KCNN3: variants seen among roughly 807,000 people sequenced by gnomAD.
The protein encoded by KCNN3 is potassium calcium-activated channel subfamily N member 3, also known as small conductance calcium-activated potassium channel protein 3.
KCNN3 carries 16 observed loss-of-function variants against 62.9 expected under a neutral mutation model. That is an observed-to-expected ratio of 0.25 (90% CI 0.17 to 0.39). The LOEUF (loss-of-function observed/expected upper bound fraction) is 0.39. Ranked by LOEUF, KCNN3 falls within the 10% of genes least tolerant of loss-of-function variation. The pLI, the probability that KCNN3 is intolerant of heterozygous loss-of-function variation, is 1.00. For missense variants in KCNN3, 599 were observed against 949.4 expected (o/e 0.63, Z 4.85); for synonymous variants, 370 against 389.2 (o/e 0.95, Z 0.58).
intron 2 of KCNN3, among the ~76,000 whole-genome samples, chr1:154,819,376 G>T (rs1040516442): frequency 6.6e-6 from 1 of 152,192 alleles, no homozygotes. Flanking sequence ...CAAAGAACGT[G>T]CTACAAACGT....
intron 3 of KCNN3, among the ~76,000 whole-genome samples, chr1:154,757,417 A>G (rs1156765695): frequency 6.6e-6 from 1 of 152,214 alleles, no homozygotes; most frequent in Non-Finnish European, 1.5e-5. Context: ...GCCATGTGGA[A>G]CAAGGGTGCA....
chr1:154,718,678 C>T (rs997873381), intron 5 of KCNN3, among the ~76,000 whole-genome samples: 4 of 152,138 alleles, frequency 2.6e-5, no homozygotes, highest in African/African-American at 4.8e-5. Flanking sequence ...TACAATCCTG[C>T]GGAGAAGACG....
At chr1:154,829,220 G>A (rs1047631426) in intron 1 of KCNN3, among the ~76,000 whole-genome samples, 1 of 152,250 alleles carries the variant, frequency 6.6e-6, no homozygotes, top group Non-Finnish European at 1.5e-5. Context: ...AGGGGGCCCT[G>A]GAGGACACAT....
Position 154,869,081 on chromosome 1 carries a change from A to T in KCNN3, c.884T>A (p.Ile295Asn). 6.2e-7 allele frequency: 1 copy of T among 1,614,102 alleles called. No homozygotes were observed. Among genetic ancestry groups the T allele is most frequent in the South Asian group, 1.1e-5 (1 of 91,082 alleles). Reference sequence around the variant, plus strand: ...CTCGGTCTCTATCACCATAACAACAATTCCAAACATCCCAAAAATCAGAGC... The same window carrying T: ...CTCGGTCTCTATCACCATAACAACATTTCCAAACATCCCAAAAATCAGAGC... ...DYALIFGMFG[I>N]VVMVIETELS... Residue 295 changes from isoleucine (I) to asparagine (N), a missense_variant, in exon 1 of 8, where the codon ATT becomes AAT. This residue lies in a region of KCNN3 where 288 missense variants were observed against 557.4 expected (regional missense o/e 0.52). Coordinates refer to ENST00000271915, the MANE Select transcript of KCNN3 (RefSeq NM_002249.6). The surrounding 1 kb of genome is among the most constrained non-coding windows in gnomAD (Gnocchi z 6.1).
Position 154,822,175 on chromosome 1 carries a change from A to C in KCNN3, c.943T>G (p.Phe315Val). The C allele has an allele frequency of 6.2e-7, 1 of 1,612,290 alleles. No homozygotes were observed. Among genetic ancestry groups the C allele is most frequent in the South Asian group, 1.1e-5 (1 of 91,068 alleles). Reference protein sequence around the residue: ...SWGLYSKDSMFSLALKCLISL... With the variant: ...SWGLYSKDSMVSLALKCLISL... ...ATAAGGCATTTCAGGGCCAACGAAA[A>C]CATGGAGTCCTGCAGGAACAATGGA... Residue 315 changes from phenylalanine (F) to valine (V), a missense_variant, in exon 2 of 8, where the codon TTT (phenylalanine) becomes GTT (valine). Physicochemically the swap from Phe to Val is conservative, Grantham distance 50 (BLOSUM62 -1). Transcript: ENST00000271915.
At chr1:154,791,352 C>G (rs1649510753) in intron 2 of KCNN3, among the ~76,000 whole-genome samples, 1 of 149,248 alleles carries the variant, frequency 6.7e-6, no homozygotes, top group Non-Finnish European at 1.5e-5. Context: ...AAGACCACAT[C>G]AGGTACATTC....
chr1:154,804,676 A>C (rs113519093), intron 2 of KCNN3, among the ~76,000 whole-genome samples: 105 of 152,306 alleles, frequency 6.9e-4, no homozygotes, highest in Middle Eastern at 3.4e-3. Context: ...AGTAGTAGCA[A>C]TACTGGTAAC....
chr1:154,854,944 G>A (rs190279158), intron 1 of KCNN3, among the ~76,000 whole-genome samples: 5 of 152,306 alleles, frequency 3.3e-5, no homozygotes, highest in Admixed American at 1.3e-4. Context: ...TTGGCCAAGC[G>A]CAGTGGCTCA....
intron 3 of KCNN3, among the ~76,000 whole-genome samples, chr1:154,736,759 G>A (rs563994209): frequency 6.6e-6 from 1 of 152,148 alleles, no homozygotes; most frequent in Admixed American, 6.5e-5. Flanking sequence ...ATTCATATGT[G>A]GGAGGATGCC....
intron 3 of KCNN3, among the ~76,000 whole-genome samples, chr1:154,741,976 GC>G (rs1201412100): frequency 6.6e-6 from 1 of 152,212 alleles, no homozygotes; most frequent in Non-Finnish European, 1.5e-5. Context: ...ACCTGGCTTG[GC>G]CCCCTGGCGG....
intron 4 of KCNN3, among the ~76,000 whole-genome samples, chr1:154,732,234 C>T (rs1350827087): frequency 6.6e-6 from 1 of 152,244 alleles, no homozygotes; most frequent in East Asian, 1.9e-4. Context: ...TCAGACCCCA[C>T]ATCCCTCTCA....
chr1:154,752,290 C>T (rs1017971598), intron 3 of KCNN3, among the ~76,000 whole-genome samples: 2 of 152,152 alleles, frequency 1.3e-5, no homozygotes, highest in Non-Finnish European at 1.5e-5. Context: ...TCCTCTAAAA[C>T]GAAGATCTAC....
chr1:154,851,393 T>G (rs891855609), intron 1 of KCNN3, among the ~76,000 whole-genome samples: 5 of 152,198 alleles, frequency 3.3e-5, no homozygotes, highest in African/African-American at 9.7e-5. Context: ...AGCACCATCC[T>G]GTGACCTCTT....
intron 2 of KCNN3, among the ~76,000 whole-genome samples, chr1:154,780,185 T>C (rs144452290): frequency 1.4e-3 from 175 of 124,700 alleles, no homozygotes; most frequent in Middle Eastern, 4.1e-3. Flanking sequence ...TTGCCTTTTT[T>C]CTTTTTTTCT....
chr1:154,743,729 C>G (rs113877196), intron 3 of KCNN3, among the ~76,000 whole-genome samples: 1,616 of 152,288 alleles, frequency 0.011, 20 homozygotes, highest in Non-Finnish European at 0.018. Context: ...CTACAAGGTC[C>G]TCTACAGGGC....
rs1009426110 is a variant in KCNN3, at chr1:154,748,825, G to T, written c.1449-15681C>A. On this transcript the variant is annotated intron_variant, in intron 3 of 7. Transcript: ENST00000271915. ...AAAATGAATAAAATTAGCAGGGCATGGTGGTACGTGTCTATAGTCCCAGCT... is the reference window on the plus strand; with the variant it reads ...AAAATGAATAAAATTAGCAGGGCATTGTGGTACGTGTCTATAGTCCCAGCT... 1.2e-4 allele frequency among the ~76,000 whole-genome samples: 19 copies of T among 152,194 alleles called. 1 individual carries two copies. The highest frequency in any genetic ancestry group is 3.9e-4 in the Admixed American group (6 of 15,290).
rs1553231996 is a variant in KCNN3, at chr1:154,766,416, T to TTTTATATATATATATATATATA, written c.1448+5558_1448+5559insTATATATATATATATATATAAA. On this transcript the variant is annotated intron_variant, in intron 3 of 7. Coordinates refer to ENST00000271915, the MANE Select transcript of KCNN3 (RefSeq NM_002249.6). ...CCATTTATTAAATACTAGCCAGGCT[T>TTTTATATATATATATATATATA]TATATATATATATATATATATATAT... Among the ~76,000 whole-genome samples, 83 of 71,800 alleles carry TTTTATATATATATATATATATA rather than the reference T, an allele frequency of 1.2e-3. 3 individuals are homozygous for TTTTATATATATATATATATATA. Among genetic ancestry groups the TTTTATATATATATATATATATA allele is most frequent in the Non-Finnish European group, 1.8e-3 (63 of 35,918 alleles). The allele number at this position is 71,800 out of a possible 152,430, so 47.1% of individuals were successfully genotyped here.
At chr1:154,855,621 G>A (rs1652489806) in intron 1 of KCNN3, among the ~76,000 whole-genome samples, 1 of 152,214 alleles carries the variant, frequency 6.6e-6, no homozygotes, top group Non-Finnish European at 1.5e-5. Flanking sequence ...CCTAGTCTGT[G>A]TAAGTGCACT....
At position 154,813,208 on chromosome 1, in the gene KCNN3, CTTTTTTTTTTTT is replaced by C. The variant is rs57970335; in HGVS notation, c.1029+8869_1029+8880del. On this transcript the variant is annotated intron_variant, in intron 2 of 7. Transcript: ENST00000271915. The stretch of plus-strand genomic sequence containing the variant: ...CTTGGGCAGGGCAGTTGTTAGGCTG[CTTTTTTTTTTTT>C]TTTTTTTTTTTGAACATTTTCATTC... Among the ~76,000 whole-genome samples the C allele has an allele frequency of 2.2e-4, 19 of 88,368 alleles. No homozygotes were observed. In the East Asian group the frequency reaches 5.5e-3, roughly 25 times the overall value. 58.0% of individuals were successfully genotyped at this position (88,368 alleles called of 152,430 possible).
Sources: allele counts gnomAD v4.1 joint callset (sites outside exome capture counted in the v4.1 genomes callset), GRCh38; gene constraint gnomAD v4.1.1; regional missense constraint gnomAD v4.1.1; non-coding constraint Gnocchi (gnomAD v3.1); transcripts MANE v1.5; gene names NCBI Gene and HGNC (gene_info 2026-07-23, HGNC 2026-07-21).